HTR2C: variants seen among roughly 807,000 people sequenced by gnomAD.
HTR2C encodes 5-hydroxytryptamine (serotonin) receptor 2C, G protein-coupled.
HTR2C carries 5 observed loss-of-function variants against 21.0 expected under a neutral mutation model. That is an observed-to-expected ratio of 0.24 (90% CI 0.12 to 0.50). HTR2C has a LOEUF of 0.50. Ranked by LOEUF, HTR2C falls within the 20% of genes least tolerant of loss-of-function variation. The pLI, the probability that HTR2C is intolerant of heterozygous loss-of-function variation, is 0.98. For synonymous variants in HTR2C, 150 were observed against 145.3 expected (o/e 1.03, Z -0.23); for missense variants, 271 against 371.2 (o/e 0.73, Z 2.22).
chrX:114,833,659 A>T (rs1183246973), intron 4 of HTR2C, among the ~76,000 whole-genome samples: 13 of 109,594 alleles, frequency 1.2e-4, no homozygotes, highest in African/African-American at 4.3e-4. Context: ...CAGCTCCTGG[A>T]TTCATTAATT....
intron 4 of HTR2C, among the ~76,000 whole-genome samples, chrX:114,805,360 G>C (rs1556448324): frequency 9.6e-6 from 1 of 104,437 alleles, no homozygotes; most frequent in Non-Finnish European, 1.9e-5. Context: ...TTGTGATAGA[G>C]TGCCAAAGTC....
chrX:114,621,486 C>T (rs1019659288), intron 2 of HTR2C, among the ~76,000 whole-genome samples: 4 of 111,673 alleles, frequency 3.6e-5, no homozygotes, highest in Admixed American at 9.6e-5. Context: ...TTTTTTCAAT[C>T]GTATAAAAAC....
intron 4 of HTR2C, among the ~76,000 whole-genome samples, chrX:114,846,411 G>C (rs1602871590): frequency 9.0e-6 from 1 of 111,616 alleles, no homozygotes; most frequent in East Asian, 2.8e-4. Context: ...AAATGCAAAA[G>C]TCTTCAATAA....
chrX:114,705,558 C>G (rs1483408244), intron 2 of HTR2C, among the ~76,000 whole-genome samples: 1 of 108,167 alleles, frequency 9.2e-6, no homozygotes, highest in Non-Finnish European at 1.9e-5. Flanking sequence ...AAAATTAATT[C>G]AAGATGGATT....
chrX:114,630,082 A>C (rs1929549015), intron 2 of HTR2C, among the ~76,000 whole-genome samples: 1 of 111,852 alleles, frequency 8.9e-6, no homozygotes, highest in African/African-American at 3.2e-5. Flanking sequence ...TCTGTTTTGT[A>C]CATTTGAGAG....
At chrX:114,680,985 A>G (rs782004262) in intron 2 of HTR2C, among the ~76,000 whole-genome samples, 112 of 111,787 alleles carry the variant, frequency 1.0e-3, no homozygotes, top group South Asian at 3.4e-3. Flanking sequence ...AAATACTGCC[A>G]TGCAGAACAT....
At chrX:114,725,354 C>T (rs1294765699) in intron 2 of HTR2C, among the ~76,000 whole-genome samples, 72 of 111,219 alleles carry the variant, frequency 6.5e-4, no homozygotes, top group African/African-American at 2.2e-3. Context: ...TGAGCCTTGG[C>T]TTTCAGCTCC....
At chrX:114,749,453 CAAAAAAAAAAAAAAAAAA>C (rs782652879) in intron 4 of HTR2C, among the ~76,000 whole-genome samples, 4 of 41,906 alleles carry the variant, frequency 9.5e-5, no homozygotes, top group East Asian at 1.8e-3. Context: ...GTCCATGTCT[CAAAAAAAAAAAAAAAAAA>C]AAAAAGAAAA....
At chrX:114,612,232 CAATAT>C (rs1928772546) in intron 1 of HTR2C, among the ~76,000 whole-genome samples, 1 of 111,529 alleles carries the variant, frequency 9.0e-6, no homozygotes, top group Non-Finnish European at 1.9e-5. Flanking sequence ...ATCTTGTCCT[CAATAT>C]AATAATTAAC....
intron 1 of HTR2C, chrX:114,589,772 A>G (rs1327714538): frequency 3.7e-5 from 11 of 293,416 alleles, no homozygotes; most frequent in Non-Finnish European, 7.0e-5. Context: ...TGGGCAGACT[A>G]AGCCAATTTT....
chrX:114,907,436 T>C lies in HTR2C; in HGVS notation c.*21T>C, dbSNP rs2071384773. On this transcript the variant is annotated 3_prime_UTR_variant, in exon 6 of 6. Transcript: ENST00000276198. Reference sequence around the variant, plus strand: ...TGTGAGAAAGAACAGCACAGTCTTTTCCTACGGTACAAGCTACATATGTAG... The same window carrying C: ...TGTGAGAAAGAACAGCACAGTCTTTCCCTACGGTACAAGCTACATATGTAG... The C allele has an allele frequency of 1.8e-6, 2 of 1,113,418 alleles. No individual in the cohort carries two copies. The highest frequency in any genetic ancestry group is 6.0e-5 in the East Asian group (2 of 33,206). The allele number at this position is 1,113,418 out of a possible 1,213,427, so 91.8% of individuals were successfully genotyped here. A position where few individuals can be genotyped will look rare whatever the true frequency, so the allele number is the denominator to read the frequency against.
intron 5 of HTR2C, among the ~76,000 whole-genome samples, chrX:114,860,673 A>C (rs782210989): frequency 2.7e-5 from 3 of 110,483 alleles, no homozygotes; most frequent in Non-Finnish European, 5.7e-5. Flanking sequence ...TCATTTAGGT[A>C]AATTTGATGT....
intron 4 of HTR2C, among the ~76,000 whole-genome samples, chrX:114,834,044 G>A (rs1397014699): frequency 9.0e-6 from 1 of 110,998 alleles, no homozygotes; most frequent in African/African-American, 3.3e-5. Context: ...GTTCTAGTTT[G>A]ATTGCAGTGT....
chrX:114,749,696 G>A (rs1204386683), intron 4 of HTR2C, among the ~76,000 whole-genome samples: 2 of 109,556 alleles, frequency 1.8e-5, no homozygotes, highest in Admixed American at 9.8e-5. Context: ...GTAAGACACT[G>A]TTAAAAAACA....
At chrX:114,701,966 G>T (rs1374007707) in intron 2 of HTR2C, among the ~76,000 whole-genome samples, 1 of 111,303 alleles carries the variant, frequency 9.0e-6, no homozygotes, top group African/African-American at 3.3e-5. Flanking sequence ...ATCAGTGATG[G>T]AAGATGAAAT....
chrX:114,591,563 T>C (rs1014025655), intron 1 of HTR2C, among the ~76,000 whole-genome samples: 1 of 111,576 alleles, frequency 9.0e-6, no homozygotes, highest in Non-Finnish European at 1.9e-5. Flanking sequence ...TAACTGTCTG[T>C]GTCAAATTTT....
At chrX:114,781,965 G>A (rs1280483259) in intron 4 of HTR2C, among the ~76,000 whole-genome samples, 4 of 109,973 alleles carry the variant, frequency 3.6e-5, no homozygotes, top group African/African-American at 1.3e-4. Context: ...AAAGACTTAA[G>A]AAGACCAATG....
intron 5 of HTR2C, among the ~76,000 whole-genome samples, chrX:114,888,016 AAAT>A (rs1393675912): frequency 4.8e-4 from 53 of 111,033 alleles, no homozygotes; most frequent in Admixed American, 4.6e-3. Context: ...TCTAAAAAAT[AAAT>A]AAATAAATAA....
intron 4 of HTR2C, among the ~76,000 whole-genome samples, chrX:114,782,753 T>A (rs1272014137): frequency 1.8e-5 from 2 of 110,650 alleles, no homozygotes; most frequent in Non-Finnish European, 3.8e-5. Context: ...CGTAAGTGAG[T>A]ACATATTTTA....
Sources: allele counts gnomAD v4.1 joint callset (sites outside exome capture counted in the v4.1 genomes callset), GRCh38; gene constraint gnomAD v4.1.1; transcripts MANE v1.5; gene names NCBI Gene and HGNC (gene_info 2026-07-23, HGNC 2026-07-21).